Variants in ARHGAP44 observed in about 807,000 individuals in gnomAD.
ARHGAP44 encodes Rho GTPase activating protein 44, also known as rho GTPase-activating protein 44.
Under a neutral mutation model 106.8 loss-of-function variants are expected in ARHGAP44, and 43 were observed. The observed-to-expected ratio is 0.40, with a 90% CI of 0.32 to 0.52. ARHGAP44 has a LOEUF of 0.52. Among genes scored for constraint, ARHGAP44 ranks in the 20% least tolerant of loss-of-function variants. ARHGAP44 has a pLI of 0.48. For missense variants in ARHGAP44, 866 were observed against 1,050.5 expected, an observed-to-expected ratio of 0.82 and a Z score of 2.43; for synonymous variants, 439 against 410.3, an observed-to-expected ratio of 1.07 and a Z score of -0.85.
intron 1 of ARHGAP44, among the ~76,000 whole-genome samples, chr17:12,882,560 G>A (rs1305199956): frequency 6.6e-6 from 1 of 152,014 alleles, no homozygotes; most frequent in Non-Finnish European, 1.5e-5. Context: ...CCAAGGGCAT[G>A]TTTTTAACAT....
intron 3 of ARHGAP44, among the ~76,000 whole-genome samples, chr17:12,904,135 C>A (rs2037475865): frequency 6.6e-6 from 1 of 151,940 alleles, no homozygotes; most frequent in Non-Finnish European, 1.5e-5. Context: ...TTGAGACAGT[C>A]TCGTTCTGTC....
In ARHGAP44 at chr17:12,948,751, C is replaced by CACACACACACACACACACACA. The variant is rs200024961; in HGVS notation, c.862-389_862-388insACACACACACACACACACACA. ...ACACACACACACACACACACACACA[C>CACACACACACACACACACACA]CCCCTGTAGACCTCCTCACATTCAA... is the stretch of plus-strand genomic sequence containing the variant. On this transcript the variant is annotated intron_variant, in intron 10 of 20. Transcript: ENST00000379672. Among the ~76,000 whole-genome samples the CACACACACACACACACACACA allele has an allele frequency of 1.8e-4, 26 of 147,828 alleles. 1 individual carries two copies. Among genetic ancestry groups the CACACACACACACACACACACA allele is most frequent in the South Asian group, 6.4e-4 (3 of 4,708 alleles).
intron 1 of ARHGAP44, among the ~76,000 whole-genome samples, chr17:12,876,841 G>T (rs547473545): frequency 6.6e-6 from 1 of 151,268 alleles, no homozygotes; most frequent in South Asian, 2.1e-4. Flanking sequence ...AACCCGGGAG[G>T]CAGAGGTTTT....
chr17:12,835,407 G>A (rs2035208091), intron 1 of ARHGAP44, among the ~76,000 whole-genome samples: 2 of 152,126 alleles, frequency 1.3e-5, no homozygotes, highest in Admixed American at 6.5e-5. Context: ...AGGCAGAAGA[G>A]ATAAATCAAT....
intron 1 of ARHGAP44, among the ~76,000 whole-genome samples, chr17:12,892,278 T>C (rs1249369856): frequency 6.6e-6 from 1 of 152,164 alleles, no homozygotes; most frequent in East Asian, 1.9e-4. Context: ...CCACTTTCTT[T>C]TAGTCTCCAT....
At chr17:12,910,555 T>G (rs1304506696) in intron 4 of ARHGAP44, among the ~76,000 whole-genome samples, 6 of 146,286 alleles carry the variant, frequency 4.1e-5, no homozygotes. Context: ...TGCAAGGGAT[T>G]CTGCCTCCAC....
intron 19 of ARHGAP44, among the ~76,000 whole-genome samples, chr17:12,981,608 G>A (rs192134075): frequency 6.6e-6 from 1 of 151,952 alleles, no homozygotes; most frequent in East Asian, 2.0e-4. Context: ...ATGTTGGCCA[G>A]ACTGGTCTCG....
At chr17:12,866,553 G>A (rs1207004325) in intron 1 of ARHGAP44, among the ~76,000 whole-genome samples, 1 of 152,132 alleles carries the variant, frequency 6.6e-6, no homozygotes, top group Non-Finnish European at 1.5e-5. Context: ...TCTGGCCGGG[G>A]CCCTGGAAAT....
At chr17:12,964,539 G>A (rs1352837483) in intron 16 of ARHGAP44, among the ~76,000 whole-genome samples, 2 of 152,156 alleles carry the variant, frequency 1.3e-5, no homozygotes, top group East Asian at 3.9e-4. Context: ...CCTGCACTTC[G>A]GGAGGCCAAG....
chr17:12,833,723 A>G (rs779929934), intron 1 of ARHGAP44, among the ~76,000 whole-genome samples: 2 of 152,240 alleles, frequency 1.3e-5, no homozygotes, highest in Admixed American at 1.3e-4. Context: ...TAAGGCATCA[A>G]TCAACACATG....
At chr17:12,828,999 A>AT (rs1347403875) in intron 1 of ARHGAP44, among the ~76,000 whole-genome samples, 2 of 151,916 alleles carry the variant, frequency 1.3e-5, no homozygotes, top group Non-Finnish European at 2.9e-5. Flanking sequence ...CTATAACTTT[A>AT]TTTTTTTACA....
Position 12,973,615 on chromosome 17 carries a change from A to G in ARHGAP44, c.1541+296A>G, listed in dbSNP as rs886431937. On this transcript the variant is annotated intron_variant, in intron 17 of 20. Transcript: ENST00000379672. Reference sequence around the variant, plus strand: ...CTCCAAGTTACAAAAAGAAGGATTCATATTTAGATGTCTCCTGCTGTCAGT... The same window carrying G: ...CTCCAAGTTACAAAAAGAAGGATTCGTATTTAGATGTCTCCTGCTGTCAGT... The G allele has an allele frequency of 5.7e-6, 3 of 527,944 alleles. No homozygotes were observed. In the African/African-American group the frequency reaches 5.8e-5, roughly 10 times the overall value. The allele number at this position is 527,944 out of a possible 1,614,324, so 32.7% of individuals were successfully genotyped here. A position where few individuals can be genotyped will look rare whatever the true frequency, so the allele number is the denominator to read the frequency against.
chr17:12,867,284 C>T (rs532782281), intron 1 of ARHGAP44, among the ~76,000 whole-genome samples: 1 of 152,174 alleles, frequency 6.6e-6, no homozygotes, highest in Admixed American at 6.5e-5. Flanking sequence ...GGACTCTTCT[C>T]CTGTCTCACG....
rs190703453 is a variant in ARHGAP44 at position 12,990,204 on chromosome 17, T to C, written c.*33T>C. ...CCGCCCATCCTGCCTCGCGTGTACA[T>C]ACATCACGGGCCCTAGGAACGCCGC... is the stretch of plus-strand genomic sequence containing the variant. On this transcript the variant is annotated 3_prime_UTR_variant, in exon 21 of 21. Transcript: ENST00000379672. The C allele has an allele frequency of 2.5e-5, 40 of 1,592,342 alleles. No individual in the cohort carries two copies. In the Middle Eastern group the frequency reaches 5.4e-4, roughly 21 times the overall value.
intron 5 of ARHGAP44, among the ~76,000 whole-genome samples, chr17:12,919,329 G>A (rs1315459662): frequency 6.6e-6 from 1 of 151,992 alleles, no homozygotes; most frequent in African/African-American, 2.4e-5. Context: ...AATAAGGATT[G>A]CGAGACCGCT....
At chr17:12,873,906 AAAAT>A (rs1174917101) in intron 1 of ARHGAP44, among the ~76,000 whole-genome samples, 1 of 52,122 alleles carries the variant, frequency 1.9e-5, no homozygotes, top group Non-Finnish European at 5.5e-5. Context: ...TCAGTCTCAA[AAAAT>A]AAATAAATAA....
At chr17:12,980,363 C>T in intron 19 of ARHGAP44, 130 bp downstream of exon 19, 1 of 1,012,268 alleles carries the variant, frequency 9.9e-7, no homozygotes, top group Non-Finnish European at 1.4e-6. Context: ...CCCATCTGGA[C>T]ATTAGAGCTT....
At chr17:12,895,621 T>A (rs1479002542) in intron 2 of ARHGAP44, among the ~76,000 whole-genome samples, 2 of 152,188 alleles carry the variant, frequency 1.3e-5, no homozygotes, top group Admixed American at 6.5e-5. Context: ...CTGGAGAGGA[T>A]GTGGAAAATA....
chr17:12,979,329 G>A (rs573994410), intron 18 of ARHGAP44, among the ~76,000 whole-genome samples: 1 of 152,284 alleles, frequency 6.6e-6, no homozygotes, highest in African/African-American at 2.4e-5. Flanking sequence ...TTGCAGTAAC[G>A]ATGAATCCTC....
Sources: allele counts gnomAD v4.1 joint callset (sites outside exome capture counted in the v4.1 genomes callset), GRCh38; gene constraint gnomAD v4.1.1; transcripts MANE v1.5; gene names NCBI Gene and HGNC (gene_info 2026-07-23, HGNC 2026-07-21).